Variants in TESK2 observed in about 807,000 individuals in gnomAD.
TESK2 encodes testis associated actin remodelling kinase 2.
A neutral mutation model predicts 57.1 loss-of-function variants in TESK2; 39 were observed. The observed-to-expected ratio is 0.68, with a 90% CI of 0.53 to 0.89. The LOEUF is 0.89. TESK2 is among the 40% of genes least tolerant of loss of function. The pLI, the probability that TESK2 is intolerant of heterozygous loss-of-function variation, is 0.00. For missense variants in TESK2, 646 were observed against 732.1 expected (o/e 0.88, Z 1.36); for synonymous variants, 249 against 267.9 (o/e 0.93, Z 0.69).
chr1:45,468,742 T>C (rs1652652050), intron 1 of TESK2, among the ~76,000 whole-genome samples: 1 of 152,098 alleles, frequency 6.6e-6, no homozygotes, highest in South Asian at 2.1e-4. Context: ...TAAGGCGTTA[T>C]TGTCACAATG....
At position 45,345,725 on chromosome 1, in the gene TESK2, T is replaced by G. The variant is rs553728371; in HGVS notation, c.997+152A>C. The G allele has an allele frequency of 2.1e-5, 19 of 896,638 alleles. No individual in the cohort carries two copies. In the East Asian group the frequency reaches 4.3e-4, roughly 21 times the overall value. 55.5% of individuals were successfully genotyped at this position (896,638 alleles called of 1,614,324 possible). A position where few individuals can be genotyped will look rare whatever the true frequency, so the allele number is the denominator to read the frequency against. ...GAAGCAGTATGCCAAGCCACAGCTCTTAAAAAGGCCAGTACTTTCTGCATC... is the reference window on the plus strand; with the variant it reads ...GAAGCAGTATGCCAAGCCACAGCTCGTAAAAAGGCCAGTACTTTCTGCATC... On this transcript the variant is annotated intron_variant, in intron 10 of 10. Transcript: ENST00000372086.
At chr1:45,456,349 T>C (rs1446535580) in intron 2 of TESK2, among the ~76,000 whole-genome samples, 1 of 151,906 alleles carries the variant, frequency 6.6e-6, no homozygotes, top group Non-Finnish European at 1.5e-5. Flanking sequence ...TGAAACTCTG[T>C]CTCTACTAAA....
At chr1:45,367,399 TCTC>T (rs1464626958) in intron 4 of TESK2, among the ~76,000 whole-genome samples, 5 of 150,718 alleles carry the variant, frequency 3.3e-5, no homozygotes, top group East Asian at 1.9e-4. Flanking sequence ...GGTTCCTCGT[TCTC>T]CTTTTTTTTT....
At chr1:45,430,796 C>T (rs1360736789) in intron 2 of TESK2, among the ~76,000 whole-genome samples, 1 of 152,152 alleles carries the variant, frequency 6.6e-6, no homozygotes, top group Non-Finnish European at 1.5e-5. Context: ...AAGAATATGG[C>T]TGGACAGAAA....
chr1:45,378,638 T>C (rs185895595), intron 4 of TESK2, among the ~76,000 whole-genome samples: 1 of 152,328 alleles, frequency 6.6e-6, no homozygotes, highest in Non-Finnish European at 1.5e-5. Flanking sequence ...AAAGCCCTTC[T>C]GCATACCTGA....
At chr1:45,352,180 A>G (rs928955484) in intron 5 of TESK2, among the ~76,000 whole-genome samples, 28 of 152,298 alleles carry the variant, frequency 1.8e-4, no homozygotes, top group African/African-American at 6.7e-4. Flanking sequence ...GAGATCCCCT[A>G]TAGTGTACTT....
intron 2 of TESK2, among the ~76,000 whole-genome samples, chr1:45,449,527 T>G (rs1193075733): frequency 6.6e-6 from 1 of 152,174 alleles, no homozygotes; most frequent in Non-Finnish European, 1.5e-5. Flanking sequence ...AGGAATGAGC[T>G]ATTAAGCCAT....
At chr1:45,403,094 G>A (rs1649693353) in intron 3 of TESK2, among the ~76,000 whole-genome samples, 1 of 151,800 alleles carries the variant, frequency 6.6e-6, no homozygotes, top group South Asian at 2.1e-4. Flanking sequence ...GATCAGCCTG[G>A]GCAACATAGG....
chr1:45,462,671 G>C (rs1207840858), intron 1 of TESK2, among the ~76,000 whole-genome samples: 1 of 152,076 alleles, frequency 6.6e-6, no homozygotes, highest in African/African-American at 2.4e-5. Flanking sequence ...TCCAAATCTT[G>C]GCTATTGTAA....
intron 2 of TESK2, among the ~76,000 whole-genome samples, chr1:45,453,386 C>T (rs1391085344): frequency 6.6e-6 from 1 of 150,638 alleles, no homozygotes; most frequent in Non-Finnish European, 1.5e-5. Flanking sequence ...GATAAACCCT[C>T]TCTAACATGG....
chr1:45,469,962 G>A (rs1346936659), intron 1 of TESK2, among the ~76,000 whole-genome samples: 1 of 152,192 alleles, frequency 6.6e-6, no homozygotes, highest in Non-Finnish European at 1.5e-5. Flanking sequence ...ATTTGGCAGT[G>A]TCAGCCAGCA....
At chr1:45,373,753 A>C (rs1648296106) in intron 4 of TESK2, among the ~76,000 whole-genome samples, 1 of 152,232 alleles carries the variant, frequency 6.6e-6, no homozygotes, top group African/African-American at 2.4e-5. Flanking sequence ...AGAGAAAGAG[A>C]AAGTAAATAC....
intron 1 of TESK2, among the ~76,000 whole-genome samples, chr1:45,485,196 T>TG (rs1653411494): frequency 7.2e-6 from 1 of 139,548 alleles, no homozygotes; most frequent in African/African-American, 2.5e-5. Context: ...TTTTGTTTTT[T>TG]GTTTTTTTTT....
chr1:45,457,747 A>T lies in TESK2; in HGVS notation c.39T>A (p.Pro13=). The change falls in exon 2 of 11, where the codon CCT becomes CCA. Residue 13 remains proline (P), a synonymous_variant. Coordinates refer to ENST00000372086, the MANE Select transcript of TESK2 (RefSeq NM_007170.3). ...ACTCTTCAAGACGCTCCACACGTGG[A>T]GGAAATCCTGCAATTGAATTCCGTT... ...RSKRNSIAGF[P]PRVERLEEFE... The T allele has an allele frequency of 6.2e-7, 1 of 1,614,142 alleles. No homozygotes were observed. The highest frequency in any genetic ancestry group is 8.5e-7 in the Non-Finnish European group (1 of 1,179,992).
chr1:45,399,202 G>T (rs1351694871), intron 3 of TESK2, among the ~76,000 whole-genome samples: 1 of 138,852 alleles, frequency 7.2e-6, no homozygotes, highest in Non-Finnish European at 1.5e-5. Context: ...AGGCTGGAGT[G>T]CAGTGGCACG....
intron 5 of TESK2, among the ~76,000 whole-genome samples, chr1:45,351,196 G>A (rs938550994): frequency 5.9e-5 from 9 of 152,204 alleles, no homozygotes; most frequent in African/African-American, 1.4e-4. Flanking sequence ...GCCAAGGCTC[G>A]GGTATGTGTG....
intron 4 of TESK2, among the ~76,000 whole-genome samples, chr1:45,368,930 T>C (rs1648065151): frequency 6.6e-6 from 1 of 150,908 alleles, no homozygotes. Context: ...TGTGTGTGTG[T>C]TTTTAGTGGA....
intron 4 of TESK2, among the ~76,000 whole-genome samples, chr1:45,381,841 C>T (rs955761124): frequency 6.2e-5 from 9 of 145,312 alleles, no homozygotes; most frequent in Non-Finnish European, 1.0e-4. Flanking sequence ...GAAAGACATA[C>T]TTATGGTACA....
At chr1:45,354,893 T>C (rs1429431303) in intron 5 of TESK2, among the ~76,000 whole-genome samples, 4 of 141,732 alleles carry the variant, frequency 2.8e-5, no homozygotes, top group Non-Finnish European at 6.1e-5. Flanking sequence ...TAAGAAAATA[T>C]AGGCTTATGG....
Sources: gnomAD v4.1 joint callset for allele counts (sites outside exome capture counted in the v4.1 genomes callset) on GRCh38, gnomAD v4.1.1 for gene constraint, MANE v1.5 for transcripts, NCBI Gene and HGNC (gene_info 2026-07-23, HGNC 2026-07-21) for gene names.